PTPRD: variants seen among roughly 807,000 people sequenced by gnomAD.
The protein encoded by PTPRD is protein tyrosine phosphatase receptor type D, also known as receptor-type tyrosine-protein phosphatase delta.
PTPRD carries 34 observed loss-of-function variants against 214.5 expected under a neutral mutation model. The ratio of observed to expected loss-of-function variants is 0.16; its 90% confidence interval spans 0.12 to 0.21. The LOEUF (loss-of-function observed/expected upper bound fraction) is 0.21, where lower values mean the gene tolerates loss of function less well. PTPRD is among the 10% of genes least tolerant of loss of function. PTPRD has a pLI of 1.00. For missense variants in PTPRD, 2,545 were observed against 2,398.7 expected, an observed-to-expected ratio of 1.06 and a Z score of -1.27; for synonymous variants, 1,128 against 845.7, an observed-to-expected ratio of 1.33 and a Z score of -5.79.
At position 10,333,073 on chromosome 9, in the gene PTPRD, T is replaced by C. The variant is rs574012712; in HGVS notation, c.-545+7890A>G. ...CGCCTGACACAAGGTAGGACTTCAATAGGTATTTGCTGAATAAATAAGTGA... is the reference window on the plus strand; with the variant it reads ...CGCCTGACACAAGGTAGGACTTCAACAGGTATTTGCTGAATAAATAAGTGA... On this transcript the variant is annotated intron_variant, in intron 3 of 45. Coordinates refer to ENST00000381196, the MANE Select transcript of PTPRD (RefSeq NM_002839.4). 5.3e-5 allele frequency among the ~76,000 whole-genome samples: 8 copies of C among 151,988 alleles called. No individual in the cohort carries two copies. The South Asian group carries it at 1.7e-3, about 31-fold the overall frequency.
chr9:10,231,989 A>AGAGAGTGT (rs1245284728), intron 3 of PTPRD, among the ~76,000 whole-genome samples: 114 of 92,496 alleles, frequency 1.2e-3, no homozygotes, highest in South Asian at 1.3e-3. Context: ...AGAGAGAGAG[A>AGAGAGTGT]GTGTGTGTGT....
Position 9,738,256 on chromosome 9 carries a change from A to T in PTPRD, c.-325-3685T>A, listed in dbSNP as rs938264424. On this transcript the variant is annotated intron_variant, in intron 6 of 45. Coordinates refer to ENST00000381196, the MANE Select transcript of PTPRD (RefSeq NM_002839.4). ...ACCCTAAAACTTAAAGTATGATAAA[A>T]ACAAAAATTCAAACAACAACAACAA... Among the ~76,000 whole-genome samples, 3 of 152,072 alleles carry T rather than the reference A, an allele frequency of 2.0e-5. No homozygotes were observed. The East Asian group carries it at 5.8e-4, about 29-fold the overall frequency.
Position 8,404,637 on chromosome 9 carries a change from G to T in PTPRD, c.4110C>A (p.Phe1370Leu). The stretch of plus-strand genomic sequence containing the variant: ...CTTCCAAGTTTGAATGTTCCCAAGT[G>T]AACTGCTGGCCAGGGTCAATTGACT... ...EYESIDPGQQ[F>L]TWEHSNLEVN... The change falls in exon 36 of 46, where the codon TTC becomes TTA. Residue 1370 changes from phenylalanine (F) to leucine (L), a missense_variant. Transcript: ENST00000381196. The T allele has an allele frequency of 6.2e-7, 1 of 1,611,566 alleles. No individual in the cohort carries two copies.
At chr9:9,697,320 T>C (rs2097397112) in intron 7 of PTPRD, among the ~76,000 whole-genome samples, 1 of 152,150 alleles carries the variant, frequency 6.6e-6, no homozygotes, top group Non-Finnish European at 1.5e-5. Context: ...TGTTATTTTT[T>C]CTTTCAGATT....
intron 8 of PTPRD, among the ~76,000 whole-genome samples, chr9:9,496,044 C>T (rs1198522636): frequency 6.6e-6 from 1 of 152,144 alleles, no homozygotes; most frequent in East Asian, 1.9e-4. Context: ...CATGCTCCCT[C>T]CTTCAAGGTT....
At chr9:9,312,102 C>T (rs932019053) in intron 9 of PTPRD, among the ~76,000 whole-genome samples, 1 of 152,096 alleles carries the variant, frequency 6.6e-6, no homozygotes, top group African/African-American at 2.4e-5. Flanking sequence ...TAGTTAGTGC[C>T]TCACAGATCA....
intron 11 of PTPRD, among the ~76,000 whole-genome samples, chr9:8,756,443 A>AT (rs1475565639): frequency 3.9e-5 from 6 of 152,244 alleles, no homozygotes; most frequent in Admixed American, 1.3e-4. Flanking sequence ...TGCAAGATGC[A>AT]TAAAAAACAA....
intron 2 of PTPRD, among the ~76,000 whole-genome samples, chr9:10,432,161 T>G (rs1276272619): frequency 1.3e-5 from 2 of 151,548 alleles, no homozygotes; most frequent in Non-Finnish European, 2.9e-5. Flanking sequence ...TTGGAAATCA[T>G]CATTCTCAGT....
chr9:8,963,866 G>A (rs1220618010), intron 11 of PTPRD, among the ~76,000 whole-genome samples: 2 of 152,008 alleles, frequency 1.3e-5, no homozygotes, highest in East Asian at 1.9e-4. Flanking sequence ...CTCCTGCCTC[G>A]GTCTTCCAAA....
chr9:10,060,939 TCTTTCTTTCTTTCTCTCTCTTC>T (rs2097767131), intron 3 of PTPRD, among the ~76,000 whole-genome samples: 2 of 113,354 alleles, frequency 1.8e-5, no homozygotes, highest in African/African-American at 1.4e-4. Context: ...TTTCTTTCTT[TCTTTCTTTCTTTCTCTCTCTTC>T]CTTTCTTCCT....
intron 2 of PTPRD, among the ~76,000 whole-genome samples, chr9:10,475,275 T>A (rs1039446691): frequency 6.6e-6 from 1 of 151,820 alleles, no homozygotes; most frequent in African/African-American, 2.4e-5. Context: ...AAGAATCAAA[T>A]AGACACAATA....
intron 8 of PTPRD, among the ~76,000 whole-genome samples, chr9:9,404,259 C>T (rs543365228): frequency 4.6e-5 from 7 of 152,032 alleles, no homozygotes; most frequent in Admixed American, 2.0e-4. Context: ...AACATGCCTC[C>T]GGCTACTCTG....
intron 2 of PTPRD, among the ~76,000 whole-genome samples, chr9:10,360,480 A>C (rs968375049): frequency 6.6e-6 from 1 of 152,186 alleles, no homozygotes; most frequent in Non-Finnish European, 1.5e-5. Context: ...TGTTCCCTCT[A>C]TCATTCTCCT....
intron 44 of PTPRD, among the ~76,000 whole-genome samples, chr9:8,326,531 C>A (rs888153272): frequency 1.3e-5 from 2 of 151,308 alleles, no homozygotes; most frequent in Non-Finnish European, 2.9e-5. Flanking sequence ...CTGGAATTTT[C>A]TTTTTTGTTG....
intron 9 of PTPRD, among the ~76,000 whole-genome samples, chr9:9,203,723 T>C (rs113480826): frequency 1.3e-5 from 2 of 152,314 alleles, no homozygotes; most frequent in Non-Finnish European, 2.9e-5. Context: ...TTCTTCTTTA[T>C]GTGTTTTTGC....
At chr9:9,505,368 T>C (rs1378441212) in intron 8 of PTPRD, among the ~76,000 whole-genome samples, 1 of 151,570 alleles carries the variant, frequency 6.6e-6, no homozygotes, top group Non-Finnish European at 1.5e-5. Flanking sequence ...CATCAGAATT[T>C]TACTTTCCTC....
At chr9:9,763,156 C>A (rs2098675029) in intron 6 of PTPRD, among the ~76,000 whole-genome samples, 1 of 152,168 alleles carries the variant, frequency 6.6e-6, no homozygotes, top group African/African-American at 2.4e-5. Flanking sequence ...TTTATAGCAG[C>A]TGTGTTAGAA....
intron 9 of PTPRD, among the ~76,000 whole-genome samples, chr9:9,320,007 A>G (rs1338615097): frequency 6.6e-6 from 1 of 152,140 alleles, no homozygotes; most frequent in Non-Finnish European, 1.5e-5. Flanking sequence ...TCCTAAAGAT[A>G]TATTAGCTAA....
At chr9:9,929,416 G>C (rs1490077940) in intron 5 of PTPRD, among the ~76,000 whole-genome samples, 3 of 152,090 alleles carry the variant, frequency 2.0e-5, no homozygotes, top group Non-Finnish European at 2.9e-5. Flanking sequence ...TTTTGAGACA[G>C]AGTCTCACTA....
Sources: gnomAD v4.1 joint callset for allele counts (sites outside exome capture counted in the v4.1 genomes callset) on GRCh38, gnomAD v4.1.1 for gene constraint, MANE v1.5 for transcripts, NCBI Gene and HGNC (gene_info 2026-07-23, HGNC 2026-07-21) for gene names.